DCAF1: variants seen among roughly 807,000 people sequenced by gnomAD.
DCAF1 encodes the protein DDB1 and CUL4 associated factor 1.
DCAF1 carries 15 observed loss-of-function variants against 128.0 expected under a neutral mutation model. The observed-to-expected ratio is 0.12, with a 90% CI of 0.08 to 0.18. DCAF1 has a LOEUF of 0.18. Among genes scored for constraint, DCAF1 ranks in the 10% least tolerant of loss-of-function variants. The probability of loss-of-function intolerance (pLI) is 1.00; values close to 1 mark genes in which losing one functional copy is unlikely to be tolerated. For missense variants in DCAF1, 988 were observed against 1,649.5 expected, an observed-to-expected ratio of 0.60 and a Z score of 6.95; for synonymous variants, 610 against 603.0, an observed-to-expected ratio of 1.01 and a Z score of -0.17.
At chr3:51,421,274 T>C (rs895425123) in intron 14 of DCAF1, among the ~76,000 whole-genome samples, 4 of 152,320 alleles carry the variant, frequency 2.6e-5, no homozygotes, top group Admixed American at 2.6e-4. Flanking sequence ...ATTATTTTTT[T>C]GAGGCAGAGT....
At position 51,420,225 on chromosome 3, in the gene DCAF1, G is replaced by A. The variant is rs1162656673; in HGVS notation, c.2745C>T (p.Ser915=). The change falls in exon 15 of 25, where the codon AGC becomes AGT. Residue 915 remains serine (S), a synonymous_variant. Transcript: ENST00000684031. The surrounding 1 kb of genome is among the most constrained non-coding windows in gnomAD (Gnocchi z 6.5). ...IANGIATRLG[S]HAAVGASAPS... is the part of the protein sequence containing the mutation. ...GCGCAGAGGCACCCACAGCAGCATG[G>A]CTGCCCAGACGAGTTGCAATGCCAT... is the stretch of plus-strand genomic sequence containing the variant. The A allele has an allele frequency of 1.9e-6, 3 of 1,613,918 alleles. No individual in the cohort carries two copies. Among genetic ancestry groups the A allele is most frequent in the African/African-American group, 2.7e-5 (2 of 74,936 alleles).
At chr3:51,477,988 T>C (rs1553651296) in intron 3 of DCAF1, among the ~76,000 whole-genome samples, 1 of 152,072 alleles carries the variant, frequency 6.6e-6, no homozygotes, top group African/African-American at 2.4e-5. Flanking sequence ...CTACTATGCA[T>C]TGTTCCTTAT....
intron 6 of DCAF1, among the ~76,000 whole-genome samples, chr3:51,447,845 G>C (rs1553640602): frequency 1.3e-5 from 2 of 152,118 alleles, no homozygotes; most frequent in African/African-American, 4.8e-5. Flanking sequence ...CTACTCAGGA[G>C]GCTGAGGCAG....
intron 23 of DCAF1, among the ~76,000 whole-genome samples, chr3:51,404,109 T>C (rs1367547923): frequency 6.6e-6 from 1 of 152,234 alleles, no homozygotes; most frequent in Non-Finnish European, 1.5e-5. Flanking sequence ...TTGTAAATGG[T>C]ACATTCTGGC....
intron 13 of DCAF1, among the ~76,000 whole-genome samples, chr3:51,423,928 G>C (rs1221143311): frequency 6.6e-6 from 1 of 151,628 alleles, no homozygotes; most frequent in Non-Finnish European, 1.5e-5. Flanking sequence ...ACATAGACAA[G>C]AGCACCATAT....
intron 3 of DCAF1, among the ~76,000 whole-genome samples, chr3:51,473,188 A>C (rs1704968932): frequency 6.7e-6 from 1 of 150,306 alleles, no homozygotes. Flanking sequence ...AGGCAGGAGA[A>C]TCGCTTGAAC....
intron 6 of DCAF1, among the ~76,000 whole-genome samples, chr3:51,447,673 C>A (rs1340945246): frequency 4.6e-5 from 7 of 152,154 alleles, no homozygotes; most frequent in Non-Finnish European, 8.8e-5. Flanking sequence ...ACAGGCCAGG[C>A]ACGGTGGCTC....
At chr3:51,436,864 T>C (rs1700875262) in intron 9 of DCAF1, among the ~76,000 whole-genome samples, 1 of 152,154 alleles carries the variant, frequency 6.6e-6, no homozygotes, top group Admixed American at 6.6e-5. Context: ...CTTTCAAAAA[T>C]TTGGACTGCA....
intron 19 of DCAF1, 147 bp from the exon 20 acceptor site, chr3:51,414,190 G>A (rs369940346): frequency 1.8e-6 from 2 of 1,121,922 alleles, no homozygotes; most frequent in African/African-American, 3.2e-5. Context: ...AATACATGTA[G>A]AATGCATATT....
intron 24 of DCAF1, 85 bp downstream of exon 24, chr3:51,403,058 G>A (rs2089847050): frequency 2.0e-6 from 3 of 1,500,420 alleles, no homozygotes; most frequent in Non-Finnish European, 2.7e-6. Flanking sequence ...CCGTGGTATG[G>A]CTTGCCCTCT....
At chr3:51,454,267 T>A (rs1394570933) in intron 6 of DCAF1, among the ~76,000 whole-genome samples, 1 of 152,134 alleles carries the variant, frequency 6.6e-6, no homozygotes, top group East Asian at 1.9e-4. Context: ...ATCGCCAGTC[T>A]TGAACTCCTG....
At position 51,408,404 on chromosome 3, in the gene DCAF1, A is replaced by G. The variant is rs772301369; in HGVS notation, c.4212+3975T>C. Among the ~76,000 whole-genome samples the G allele has an allele frequency of 6.6e-5, 10 of 152,256 alleles. No individual in the cohort carries two copies. In the East Asian group the frequency reaches 1.3e-3, roughly 20 times the overall value. On this transcript the variant is annotated intron_variant, in intron 23 of 24. Coordinates refer to ENST00000684031, the MANE Select transcript of DCAF1 (RefSeq NM_001387579.1). ...CCTGTATCCCTGAGCCACATAAGTCATATCTGGAACATCTGAGAAGACCTG... is the reference window on the plus strand; with the variant it reads ...CCTGTATCCCTGAGCCACATAAGTCGTATCTGGAACATCTGAGAAGACCTG...
intron 21 of DCAF1, 39 bp downstream of exon 21, chr3:51,413,243 A>G (rs368949993): frequency 7.4e-5 from 118 of 1,592,108 alleles, no homozygotes; most frequent in Non-Finnish European, 9.4e-5. Context: ...GAACACCAAA[A>G]CACGACAAAA....
intron 3 of DCAF1, among the ~76,000 whole-genome samples, chr3:51,476,898 G>C (rs1443780341): frequency 6.6e-6 from 1 of 151,362 alleles, no homozygotes; most frequent in South Asian, 2.1e-4. Flanking sequence ...CCTGGCCAAC[G>C]TGGTAAAACC....
At chr3:51,498,624 A>G (rs1708506392) in intron 1 of DCAF1, among the ~76,000 whole-genome samples, 1 of 152,194 alleles carries the variant, frequency 6.6e-6, no homozygotes, top group African/African-American at 2.4e-5. Context: ...GCAGAACAGT[A>G]AAACACTGTA....
chr3:51,499,243 G>C (rs1240367487), intron 1 of DCAF1, among the ~76,000 whole-genome samples: 1 of 152,210 alleles, frequency 6.6e-6, no homozygotes, highest in Non-Finnish European at 1.5e-5. Flanking sequence ...GAAGCTTCGC[G>C]GGCACTCTGA....
intron 13 of DCAF1, among the ~76,000 whole-genome samples, chr3:51,423,690 G>GC (rs1273196646): frequency 2.6e-5 from 4 of 151,504 alleles, no homozygotes; most frequent in African/African-American, 9.7e-5. Context: ...ATGGTGGTGG[G>GC]CATCTGTAAT....
At chr3:51,448,775 A>G (rs1276255943) in intron 6 of DCAF1, among the ~76,000 whole-genome samples, 1 of 152,210 alleles carries the variant, frequency 6.6e-6, no homozygotes, top group African/African-American at 2.4e-5. Flanking sequence ...ACAACCAGAC[A>G]GAAGATCAAT....
At chr3:51,464,664 G>A (rs901844548) in intron 5 of DCAF1, among the ~76,000 whole-genome samples, 4 of 151,224 alleles carry the variant, frequency 2.6e-5, no homozygotes, top group African/African-American at 4.9e-5. Context: ...TGCACTCAGC[G>A]TGAGATGCTG....
Sources: allele counts gnomAD v4.1 joint callset (sites outside exome capture counted in the v4.1 genomes callset), GRCh38; gene constraint gnomAD v4.1.1; non-coding constraint Gnocchi (gnomAD v3.1); transcripts MANE v1.5; gene names NCBI Gene and HGNC (gene_info 2026-07-23, HGNC 2026-07-21).